Variants in IRAG2 observed in about 807,000 individuals in gnomAD.
IRAG2 encodes the protein inositol 1,4,5-triphosphate receptor associated 2.
IRAG2 carries 45 observed loss-of-function variants against 69.9 expected under a neutral mutation model. That is an observed-to-expected ratio of 0.64 (90% CI 0.51 to 0.83). The LOEUF (loss-of-function observed/expected upper bound fraction) is 0.83, where lower values mean the gene tolerates loss of function less well. Ranked by LOEUF, IRAG2 falls within the 40% of genes least tolerant of loss-of-function variation. The pLI is 0.00. For missense variants in IRAG2, 520 were observed against 587.0 expected (o/e 0.89, Z 1.18); for synonymous variants, 193 against 202.4 (o/e 0.95, Z 0.40).
At position 25,104,809 on chromosome 12, in the gene IRAG2, TA is replaced by T. The variant is rs1213375276; in HGVS notation, c.1148+352del. 7.9e-5 allele frequency among the ~76,000 whole-genome samples: 12 copies of T among 152,268 alleles called. No homozygotes were observed. The South Asian group carries it at 2.3e-3, about 29-fold the overall frequency. ...AAATGTCCATCTATTTATATATTTT[TA>T]AAAACATGAGATATATAACGTACGT... On this transcript the variant is annotated intron_variant, in intron 20 of 21. Coordinates refer to ENST00000556887, the MANE Select transcript of IRAG2 (RefSeq NM_001366544.2).
chr12:25,081,187 G>C (rs1254319647), intron 9 of IRAG2, among the ~76,000 whole-genome samples: 1 of 152,186 alleles, frequency 6.6e-6, no homozygotes, highest in African/African-American at 2.4e-5. Flanking sequence ...TTGTGGCTGG[G>C]CGTGGTGGCT....
intron 6 of IRAG2, among the ~76,000 whole-genome samples, chr12:25,077,374 T>TATATATATGATATATATATGAA (rs781259395): frequency 0.46 from 28,206 of 61,852 alleles, 9,152 homozygotes; most frequent in South Asian, 0.6. Flanking sequence ...ATATATGAAA[T>TATATATATGATATATATATGAA]ATATATATGA....
chr12:25,042,331 A>T (rs1208803897), intron 16 of IRAG2, among the ~76,000 whole-genome samples: 1 of 152,218 alleles, frequency 6.6e-6, no homozygotes, highest in Non-Finnish European at 1.5e-5. Flanking sequence ...TCATTCGAAC[A>T]TGTTGGCAGG....
intron 10 of IRAG2, among the ~76,000 whole-genome samples, chr12:25,083,839 G>C (rs1947385226): frequency 2.6e-5 from 4 of 152,208 alleles, no homozygotes; most frequent in Admixed American, 2.6e-4. Context: ...ATTAATAAAT[G>C]AAGTTGAATA....
chr12:25,027,291 A>G (rs1270873903), intron 9 of IRAG2, among the ~76,000 whole-genome samples: 1 of 152,132 alleles, frequency 6.6e-6, no homozygotes, highest in East Asian at 1.9e-4. Context: ...ATTTCATATA[A>G]ATTAAATCAT....
chr12:25,041,349 TTTTG>T (rs1294900864), intron 16 of IRAG2, among the ~76,000 whole-genome samples: 5 of 152,212 alleles, frequency 3.3e-5, no homozygotes, highest in African/African-American at 1.2e-4. Context: ...GTGATTTGTG[TTTTG>T]TTTTTGTTTG....
At chr12:25,019,645 G>T (rs982906129) in intron 6 of IRAG2, among the ~76,000 whole-genome samples, 4 of 152,140 alleles carry the variant, frequency 2.6e-5, no homozygotes, top group Non-Finnish European at 5.9e-5. Flanking sequence ...ACAGGATAGG[G>T]GGCATGGTGG....
rs1463560879 is a variant in IRAG2, at chr12:25,062,898, T to C, written c.-306T>C. The stretch of plus-strand genomic sequence containing the variant: ...AATTCAACAACCTCTTCAAGAAAAA[T>C]TGGTAATTGCGAGCTTTTTGAAATT... On this transcript the variant is annotated splice_region_variant and 5_prime_UTR_variant, in exon 3 of 22. Coordinates refer to ENST00000556887, the MANE Select transcript of IRAG2 (RefSeq NM_001366544.2). 1 of 398,850 alleles carries C rather than the reference T, an allele frequency of 2.5e-6. No individual in the cohort carries two copies. Among genetic ancestry groups the C allele is most frequent in the African/African-American group, 2.1e-5 (1 of 48,624 alleles). 24.7% of individuals were successfully genotyped at this position (398,850 alleles called of 1,614,324 possible).
intron 6 of IRAG2, among the ~76,000 whole-genome samples, chr12:25,078,693 C>G (rs1946987278): frequency 6.6e-6 from 1 of 152,168 alleles, no homozygotes; most frequent in African/African-American, 2.4e-5. Context: ...AACACTTGCC[C>G]TGGCAGGCTG....
intron 5 of IRAG2, among the ~76,000 whole-genome samples, chr12:25,069,026 A>T (rs1302335908): frequency 6.6e-6 from 1 of 152,190 alleles, no homozygotes; most frequent in African/African-American, 2.4e-5. Flanking sequence ...CTTCCTTAGG[A>T]AACATTAAAA....
chr12:25,066,852 G>A (rs992241801), intron 5 of IRAG2, among the ~76,000 whole-genome samples: 5 of 151,964 alleles, frequency 3.3e-5, no homozygotes, highest in African/African-American at 7.2e-5. Context: ...GTTTTGCCAC[G>A]TTGGCCAGGC....
chr12:25,017,690 C>T (rs973351555), intron 6 of IRAG2, among the ~76,000 whole-genome samples: 1 of 150,634 alleles, frequency 6.6e-6, no homozygotes, highest in African/African-American at 2.4e-5. Context: ...TGCATTCCAG[C>T]TTAGGTGATA....
intron 6 of IRAG2, among the ~76,000 whole-genome samples, chr12:25,070,124 C>T (rs1191938979): frequency 6.6e-6 from 1 of 152,166 alleles, no homozygotes; most frequent in Non-Finnish European, 1.5e-5. Context: ...ATAATTCACC[C>T]ACCAGACAAT....
chr12:25,011,348 G>T, exon 3 of IRAG2: 1 of 1,231,558 alleles, frequency 8.1e-7, no homozygotes, highest in Non-Finnish European at 1.0e-6. Flanking sequence ...TTTCAGAACT[G>T]ATCTGCTCTT....
chr12:25,053,592 T>TCACACACACACACAC (rs1945009584), intron 1 of IRAG2, among the ~76,000 whole-genome samples: 1 of 152,098 alleles, frequency 6.6e-6, no homozygotes, highest in Non-Finnish European at 1.5e-5. Flanking sequence ...GTTGTCACAT[T>TCACACACACACACAC]ACAGATGTCA....
chr12:25,088,176 A>T lies in IRAG2; in HGVS notation c.373+19A>T. On this transcript the variant is annotated intron_variant, in intron 11 of 21. Coordinates refer to ENST00000556887, the MANE Select transcript of IRAG2 (RefSeq NM_001366544.2). ...TCAGGAGGTAAGGAATGTTTCTTTC[A>T]ATCCCCATGTGAACTTTTGTTCTCT... is the stretch of plus-strand genomic sequence containing the variant. The T allele has an allele frequency of 6.2e-7, 1 of 1,601,344 alleles. No individual in the cohort carries two copies. Among genetic ancestry groups the T allele is most frequent in the African/African-American group, 1.3e-5 (1 of 74,786 alleles).
intron 6 of IRAG2, among the ~76,000 whole-genome samples, chr12:25,069,697 A>C (rs1946203063): frequency 1.3e-5 from 2 of 152,170 alleles, no homozygotes; most frequent in Non-Finnish European, 2.9e-5. Flanking sequence ...ATTTCAATGA[A>C]GTGAGCTAAA....
intron 15 of IRAG2, among the ~76,000 whole-genome samples, chr12:25,098,218 T>A (rs1346884442): frequency 6.6e-6 from 1 of 152,236 alleles, no homozygotes; most frequent in Non-Finnish European, 1.5e-5. Flanking sequence ...CACATTCCCA[T>A]GCTGACCTGT....
chr12:25,087,277 C>A (rs914551940), intron 10 of IRAG2, among the ~76,000 whole-genome samples: 1 of 145,652 alleles, frequency 6.9e-6, no homozygotes, highest in African/African-American at 2.5e-5. Context: ...AAGTGATTCT[C>A]CTGCCTCAGC....
Sources: allele counts gnomAD v4.1 joint callset (sites outside exome capture counted in the v4.1 genomes callset), GRCh38; gene constraint gnomAD v4.1.1; transcripts MANE v1.5; gene names NCBI Gene and HGNC (gene_info 2026-07-23, HGNC 2026-07-21).